DNER: variants seen among roughly 807,000 people sequenced by gnomAD.
The protein encoded by DNER is delta/notch like EGF repeat containing.
Under a neutral mutation model 78.2 loss-of-function variants are expected in DNER, and 33 were observed. That is an observed-to-expected ratio of 0.42 (90% confidence interval 0.32 to 0.56). The LOEUF (loss-of-function observed/expected upper bound fraction) is 0.56. Ranked by LOEUF, DNER falls within the 20% of genes least tolerant of loss-of-function variation. The probability of loss-of-function intolerance (pLI) is 0.11; values close to 1 mark genes in which losing one functional copy is unlikely to be tolerated. For missense variants in DNER, 918 were observed against 975.3 expected, an observed-to-expected ratio of 0.94 and a Z score of 0.78; for synonymous variants, 417 against 384.8, an observed-to-expected ratio of 1.08 and a Z score of -0.98.
chr2:229,592,451 C>T (rs1574917682), intron 1 of DNER, among the ~76,000 whole-genome samples: 1 of 152,144 alleles, frequency 6.6e-6, no homozygotes, highest in Non-Finnish European at 1.5e-5. Flanking sequence ...GTTTGCATGG[C>T]AGTTGCTAGC....
rs571528113 is a variant in DNER at position 229,437,784 on chromosome 2, A to G, written c.1486+9532T>C. Reference sequence around the variant, plus strand: ...AAATATGAAAAGGAAAGAACATTTCAGGGACTATAATGTCACCAGAGCCAG... The same window carrying G: ...AAATATGAAAAGGAAAGAACATTTCGGGGACTATAATGTCACCAGAGCCAG... On this transcript the variant is annotated intron_variant, in intron 8 of 12. Transcript: ENST00000341772. Among the ~76,000 whole-genome samples, 11 of 152,354 alleles carry G rather than the reference A, an allele frequency of 7.2e-5. No homozygotes were observed. In the South Asian group the frequency reaches 2.3e-3, roughly 32 times the overall value.
At chr2:229,665,909 A>T (rs749214794) in intron 1 of DNER, among the ~76,000 whole-genome samples, 36 of 151,992 alleles carry the variant, frequency 2.4e-4, no homozygotes, top group Non-Finnish European at 2.9e-5. Context: ...TGATTTTTCA[A>T]TTCTAATCTC....
At chr2:229,376,114 G>C (rs566493327) in intron 11 of DNER, among the ~76,000 whole-genome samples, 49 of 152,304 alleles carry the variant, frequency 3.2e-4, no homozygotes, top group Admixed American at 2.4e-3. Flanking sequence ...TGAAATGTGA[G>C]TCAATTAAAC....
At chr2:229,398,821 A>C (rs1693204116) in intron 10 of DNER, among the ~76,000 whole-genome samples, 1 of 152,108 alleles carries the variant, frequency 6.6e-6, no homozygotes, top group Non-Finnish European at 1.5e-5. Context: ...CATATTAACA[A>C]GCCAAAGAAA....
intron 6 of DNER, among the ~76,000 whole-genome samples, chr2:229,501,454 T>C (rs989315545): frequency 6.6e-6 from 1 of 151,842 alleles, no homozygotes; most frequent in Admixed American, 6.6e-5. Flanking sequence ...TTTGTACTGA[T>C]ACTTGACATA....
At chr2:229,459,351 A>G (rs899357339) in intron 7 of DNER, among the ~76,000 whole-genome samples, 1 of 152,168 alleles carries the variant, frequency 6.6e-6, no homozygotes. Flanking sequence ...TGGAAATAAT[A>G]GAATAGCTGT....
rs548691351 is a variant in DNER at position 229,482,659 on chromosome 2, T to A, written c.1148-5406A>T. Among the ~76,000 whole-genome samples, 13 of 152,296 alleles carry A rather than the reference T, an allele frequency of 8.5e-5. 2 individuals carry two copies. In the South Asian group the frequency reaches 2.7e-3, roughly 32 times the overall value. ...CAGGATTCAACAGAAGCAGTTACAG[T>A]CCTGCCCTACAAAGAGAAGTGGGGC... On this transcript the variant is annotated intron_variant, in intron 6 of 12. Coordinates refer to ENST00000341772, the MANE Select transcript of DNER (RefSeq NM_139072.4).
chr2:229,411,278 C>G (rs1461494259), intron 9 of DNER, among the ~76,000 whole-genome samples: 1 of 152,146 alleles, frequency 6.6e-6, no homozygotes, highest in Non-Finnish European at 1.5e-5. Context: ...AGGTACAGGC[C>G]AGGCAGAGTA....
chr2:229,664,773 C>T (rs1192197496), intron 1 of DNER, among the ~76,000 whole-genome samples: 1 of 152,072 alleles, frequency 6.6e-6, no homozygotes, highest in Non-Finnish European at 1.5e-5. Context: ...GAATAGCACC[C>T]AAAGTGAAAA....
intron 1 of DNER, among the ~76,000 whole-genome samples, chr2:229,686,787 C>CA (rs1699489905): frequency 6.6e-6 from 1 of 152,204 alleles, no homozygotes; most frequent in African/African-American, 2.4e-5. Flanking sequence ...AACCGTAAGC[C>CA]AAACAGGTGG....
chr2:229,532,556 G>T (rs1574888682), intron 5 of DNER, among the ~76,000 whole-genome samples: 1 of 152,116 alleles, frequency 6.6e-6, no homozygotes, highest in East Asian at 1.9e-4. Context: ...CATCATCACT[G>T]TCTTCTCAAC....
At chr2:229,407,190 C>T (rs769782517) in intron 10 of DNER, 42 bp downstream of exon 10, 41 of 1,566,676 alleles carry the variant, frequency 2.6e-5, no homozygotes, top group Admixed American at 3.5e-5. Context: ...ATCTCGGGCA[C>T]TTTGTGGTAA....
intron 1 of DNER, among the ~76,000 whole-genome samples, chr2:229,663,507 A>G (rs1369669647): frequency 6.6e-6 from 1 of 152,232 alleles, no homozygotes; most frequent in African/African-American, 2.4e-5. Context: ...TGCTGCACAG[A>G]CACTCTAAAA....
intron 7 of DNER, among the ~76,000 whole-genome samples, chr2:229,462,274 T>C (rs748366173): frequency 6.6e-6 from 1 of 152,076 alleles, no homozygotes; most frequent in Non-Finnish European, 1.5e-5. Context: ...CAGAAAGCAA[T>C]AGAGGTGTCA....
intron 1 of DNER, among the ~76,000 whole-genome samples, chr2:229,628,254 C>A (rs550137965): frequency 2.6e-5 from 4 of 152,264 alleles, no homozygotes; most frequent in Admixed American, 1.3e-4. Context: ...AGGGCACCAG[C>A]TGTAGGAAGG....
intron 1 of DNER, among the ~76,000 whole-genome samples, chr2:229,646,524 GA>G (rs1165958263): frequency 1.3e-5 from 2 of 152,220 alleles, no homozygotes. Flanking sequence ...ACTTATGGAG[GA>G]AAAGGCTTGA....
chr2:229,476,821 C>T (rs1412692588), intron 7 of DNER, among the ~76,000 whole-genome samples: 2 of 117,956 alleles, frequency 1.7e-5, no homozygotes, highest in Admixed American at 1.7e-4. Flanking sequence ...TAAATGTAAA[C>T]TCATATCAAA....
intron 1 of DNER, among the ~76,000 whole-genome samples, chr2:229,615,154 G>A (rs1698128002): frequency 6.6e-6 from 1 of 152,176 alleles, no homozygotes; most frequent in Non-Finnish European, 1.5e-5. Flanking sequence ...GCTCATACCT[G>A]TAATCCCAGC....
intron 8 of DNER, among the ~76,000 whole-genome samples, chr2:229,429,791 C>G (rs770903956): frequency 6.6e-6 from 1 of 152,208 alleles, no homozygotes; most frequent in Admixed American, 6.5e-5. Flanking sequence ...TTTTCCAATA[C>G]GAAACAGCCT....
Sources: allele counts gnomAD v4.1 joint callset (sites outside exome capture counted in the v4.1 genomes callset), GRCh38; gene constraint gnomAD v4.1.1; transcripts MANE v1.5; gene names NCBI Gene and HGNC (gene_info 2026-07-23, HGNC 2026-07-21).